Variants in SCN9A observed in about 807,000 individuals in gnomAD.
SCN9A encodes sodium voltage-gated channel alpha subunit 9.
Under a neutral mutation model 187.0 loss-of-function variants are expected in SCN9A, and 131 were observed. The observed-to-expected ratio is 0.70, with a 90% CI of 0.61 to 0.81. The LOEUF (loss-of-function observed/expected upper bound fraction) is 0.81. Ranked by LOEUF, SCN9A falls within the 30% of genes least tolerant of loss-of-function variation. The pLI is 0.00. For synonymous variants in SCN9A, 809 were observed against 808.6 expected, an observed-to-expected ratio of 1.00 and a Z score of -0.01; for missense variants, 2,252 against 2,396.6, an observed-to-expected ratio of 0.94 and a Z score of 1.26.
intron 20 of SCN9A, among the ~76,000 whole-genome samples, chr2:166,236,484 G>C (rs1345018243): frequency 6.6e-6 from 1 of 152,086 alleles, no homozygotes; most frequent in Non-Finnish European, 1.5e-5. Flanking sequence ...GCAGTGGCAC[G>C]ATCTCGACTC....
chr2:166,202,512 T>C (rs1239537555), intron 26 of SCN9A, among the ~76,000 whole-genome samples: 1 of 151,816 alleles, frequency 6.6e-6, no homozygotes, highest in Non-Finnish European at 1.5e-5. Flanking sequence ...TTTAGACTTA[T>C]ATTGTTTTTG....
Position 166,279,084 on chromosome 2 carries a change from ATCCTT to A in SCN9A, c.2344-776_2344-772del, listed in dbSNP as rs780883167. On this transcript the variant is annotated intron_variant, in intron 14 of 26. Transcript: ENST00000642356. ...TGTGGTAATAGCTGTGACCAGGTAA[ATCCTT>A]TCTGAGTTCACAGGGATGCAGTCGT... 8.0e-3 allele frequency among the ~76,000 whole-genome samples: 1,225 copies of A among 152,250 alleles called. 12 individuals are homozygous for A. Among genetic ancestry groups the A allele is most frequent in the South Asian group, 0.04 (194 of 4,818 alleles).
At chr2:166,336,564 C>G (rs1317117354) in intron 1 of SCN9A, among the ~76,000 whole-genome samples, 1 of 152,114 alleles carries the variant, frequency 6.6e-6, no homozygotes, top group Non-Finnish European at 1.5e-5. Flanking sequence ...TATGCTTAGA[C>G]CACAATTTCA....
chr2:166,319,762 G>A (rs1363469545), intron 1 of SCN9A, among the ~76,000 whole-genome samples: 4 of 152,084 alleles, frequency 2.6e-5, no homozygotes, highest in Non-Finnish European at 5.9e-5. Context: ...ACATATATGT[G>A]TTAAATATTA....
Position 166,238,181 on chromosome 2 carries a change from A to T in SCN9A, c.3714T>A (p.Ile1238=). Residue 1238 remains isoleucine, a synonymous_variant, in exon 20 of 27, where the codon ATT becomes ATA. Coordinates refer to ENST00000642356, the MANE Select transcript of SCN9A (RefSeq NM_001365536.1). ...CTATCCATTTTAGAAGCATTTCCAG[A>T]ATGAAGATGTAAGTGAAGATCTTGT... ...YADKIFTYIF[I]LEMLLKWIAY... The T allele has an allele frequency of 6.2e-7, 1 of 1,608,724 alleles. No individual in the cohort carries two copies. The highest frequency in any genetic ancestry group is 1.7e-5 in the Admixed American group (1 of 59,586).
intron 26 of SCN9A, among the ~76,000 whole-genome samples, chr2:166,203,694 T>C (rs1291880438): frequency 1.3e-5 from 2 of 151,928 alleles, no homozygotes; most frequent in Non-Finnish European, 2.9e-5. Flanking sequence ...GCAAAGGTAA[T>C]ATTGGAAACT....
intron 1 of SCN9A, among the ~76,000 whole-genome samples, chr2:166,322,479 A>G (rs183125824): frequency 2.0e-5 from 3 of 152,246 alleles, no homozygotes; most frequent in African/African-American, 7.2e-5. Context: ...TAGTTTGAAA[A>G]ATTGAGTTAA....
At chr2:166,223,841 T>C (rs931209429) in intron 24 of SCN9A, among the ~76,000 whole-genome samples, 1 of 152,216 alleles carries the variant, frequency 6.6e-6, no homozygotes, top group Non-Finnish European at 1.5e-5. Flanking sequence ...ACTACGTACT[T>C]CTACATAGCA....
chr2:166,279,685 A>G (rs1441027943), intron 14 of SCN9A, among the ~76,000 whole-genome samples: 2 of 152,116 alleles, frequency 1.3e-5, no homozygotes, highest in African/African-American at 2.4e-5. Context: ...TTTGATGACA[A>G]TGATGTTGAT....
At chr2:166,315,053 A>C (rs975929126) in intron 1 of SCN9A, among the ~76,000 whole-genome samples, 3 of 152,214 alleles carry the variant, frequency 2.0e-5, no homozygotes, top group Non-Finnish European at 4.4e-5. Flanking sequence ...TCAGAATAGG[A>C]AGAGATTTAG....
At position 166,286,436 on chromosome 2, in the gene SCN9A, G is replaced by A. The variant is rs751421307; in HGVS notation, c.1502C>T (p.Ser501Leu). The A allele has an allele frequency of 7.4e-6, 12 of 1,613,782 alleles. No homozygotes were observed. The highest frequency in any genetic ancestry group is 2.2e-5 in the East Asian group (1 of 44,854). Residue 501 changes from serine (S) to leucine (L), a missense_variant, in exon 11 of 27, where the codon TCG becomes TTG. This residue lies in a region of SCN9A where 1,013 missense variants were observed against 997.4 expected (regional missense o/e 1.02). Transcript: ENST00000642356. Reference sequence around the variant, plus strand: ...GATGCTGTCCTCTGATTCTGATTTCGACAATTTCTCAGCATCTCCCTTTTC... The same window carrying A: ...GATGCTGTCCTCTGATTCTGATTTCAACAATTTCTCAGCATCTCCCTTTTC... ...GEEKGDAEKL[S>L]KSESEDSIRR...
intron 22 of SCN9A, 82 bp downstream of exon 22, chr2:166,228,609 T>G: frequency 1.6e-6 from 2 of 1,223,158 alleles, no homozygotes; most frequent in Non-Finnish European, 2.3e-6. Context: ...AATTTATAAT[T>G]AATATACTAT....
chr2:166,221,290 C>T (rs1694573112), intron 24 of SCN9A, among the ~76,000 whole-genome samples: 1 of 151,452 alleles, frequency 6.6e-6, no homozygotes, highest in African/African-American at 2.4e-5. Context: ...GCATTATTTA[C>T]TAAAATAAAA....
chr2:166,224,200 G>A (rs1430780701), intron 24 of SCN9A, among the ~76,000 whole-genome samples: 2 of 152,046 alleles, frequency 1.3e-5, no homozygotes, highest in Non-Finnish European at 2.9e-5. Flanking sequence ...GAAGACTGAG[G>A]AATTACTTGT....
chr2:166,369,974 A>T (rs1025649290), intron 1 of SCN9A, among the ~76,000 whole-genome samples: 1 of 151,978 alleles, frequency 6.6e-6, no homozygotes, highest in Non-Finnish European at 1.5e-5. Flanking sequence ...CTGACATAAT[A>T]TTTTATTATC....
chr2:166,224,488 G>C (rs1414051013), intron 24 of SCN9A, among the ~76,000 whole-genome samples: 1 of 152,004 alleles, frequency 6.6e-6, no homozygotes, highest in African/African-American at 2.4e-5. Context: ...ATTCTCTTTT[G>C]TAATTCTACC....
At chr2:166,333,277 C>G (rs940824688) in intron 1 of SCN9A, among the ~76,000 whole-genome samples, 2 of 152,066 alleles carry the variant, frequency 1.3e-5, no homozygotes, top group African/African-American at 4.8e-5. Flanking sequence ...AATTGTTTAT[C>G]TAAAATAAAT....
chr2:166,361,013 G>T (rs1465570222), intron 1 of SCN9A, among the ~76,000 whole-genome samples: 1 of 152,134 alleles, frequency 6.6e-6, no homozygotes, highest in African/African-American at 2.4e-5. Context: ...AGAGGCATGG[G>T]TTCACATCCC....
chr2:166,359,921 T>C (rs1396571977), intron 1 of SCN9A, among the ~76,000 whole-genome samples: 1 of 150,958 alleles, frequency 6.6e-6, no homozygotes, highest in Admixed American at 6.6e-5. Context: ...ATTCCTCAAG[T>C]TTATAAGAAA....
Sources: gnomAD v4.1 joint callset for allele counts (sites outside exome capture counted in the v4.1 genomes callset) on GRCh38, gnomAD v4.1.1 for gene constraint, gnomAD v4.1.1 regional missense constraint, MANE v1.5 for transcripts, NCBI Gene and HGNC (gene_info 2026-07-23, HGNC 2026-07-21) for gene names.